The following LRP1B variants were observed in gnomAD, a reference collection of about 807,000 sequenced individuals.
LRP1B encodes the protein LDL receptor related protein 1B.
Under a neutral mutation model 556.6 loss-of-function variants are expected in LRP1B, and 217 were observed. The observed-to-expected ratio is 0.39, with a 90% CI of 0.35 to 0.44. The LOEUF is 0.44. LRP1B is among the 20% of genes least tolerant of loss of function. The probability of loss-of-function intolerance (pLI) is 1.00; values close to 1 mark genes in which losing one functional copy is unlikely to be tolerated. For synonymous variants in LRP1B, 2,047 were observed against 1,865.8 expected, an observed-to-expected ratio of 1.10 and a Z score of -2.50; for missense variants, 5,053 against 5,620.8, an observed-to-expected ratio of 0.90 and a Z score of 3.23.
chr2:140,745,870 A>C (rs1336790030), intron 35 of LRP1B, among the ~76,000 whole-genome samples: 2 of 152,212 alleles, frequency 1.3e-5, no homozygotes, highest in Non-Finnish European at 2.9e-5. Context: ...CCAAAGAATG[A>C]AGTAATTCAA....
At chr2:140,785,853 C>T (rs568889798) in intron 32 of LRP1B, among the ~76,000 whole-genome samples, 4 of 152,202 alleles carry the variant, frequency 2.6e-5, no homozygotes, top group African/African-American at 7.2e-5. Flanking sequence ...TCATCAGAGG[C>T]GAGGCCAGAC....
At chr2:141,711,796 T>G (rs1692369586) in intron 2 of LRP1B, among the ~76,000 whole-genome samples, 1 of 152,130 alleles carries the variant, frequency 6.6e-6, no homozygotes, top group Non-Finnish European at 1.5e-5. Context: ...CAGTTCAACT[T>G]TCCTCCAGTT....
intron 2 of LRP1B, among the ~76,000 whole-genome samples, chr2:141,506,468 C>T (rs928582118): frequency 2.6e-5 from 4 of 152,154 alleles, no homozygotes; most frequent in Admixed American, 1.3e-4. Flanking sequence ...GTGGCTTATA[C>T]GTGCACTAGT....
chr2:142,070,201 A>C (rs1705259112), intron 1 of LRP1B, among the ~76,000 whole-genome samples: 1 of 151,742 alleles, frequency 6.6e-6, no homozygotes, highest in Non-Finnish European at 1.5e-5. Context: ...ATAAAGGGCA[A>C]AATTGATTTT....
At chr2:140,291,466 C>G (rs528775977) in intron 84 of LRP1B, among the ~76,000 whole-genome samples, 1 of 151,390 alleles carries the variant, frequency 6.6e-6, no homozygotes, top group Non-Finnish European at 1.5e-5. Flanking sequence ...CTCACTCCCC[C>G]CACCCCACAA....
intron 66 of LRP1B, among the ~76,000 whole-genome samples, chr2:140,428,085 C>A (rs547928735): frequency 1.6e-4 from 24 of 152,116 alleles, no homozygotes; most frequent in Non-Finnish European, 3.5e-4. Context: ...TGGCAGCAAC[C>A]CTGAGATGCT....
chr2:140,936,992 T>A (rs911867354), intron 20 of LRP1B, among the ~76,000 whole-genome samples: 2 of 151,920 alleles, frequency 1.3e-5, no homozygotes, highest in Non-Finnish European at 2.9e-5. Context: ...AGAAGCAGAG[T>A]TTTTGTAAGT....
chr2:141,269,088 G>A lies in LRP1B; in HGVS notation c.344-14447C>T, dbSNP rs550446802. Reference sequence around the variant, plus strand: ...CAGATGTTTTGCTGAGGGAAATGCAGGGCTTAACAAACAGAGCTAGGTAGC... The same window carrying A: ...CAGATGTTTTGCTGAGGGAAATGCAAGGCTTAACAAACAGAGCTAGGTAGC... On this transcript the variant is annotated intron_variant, in intron 3 of 90. Coordinates refer to ENST00000389484, the MANE Select transcript of LRP1B (RefSeq NM_018557.3). Among the ~76,000 whole-genome samples, 3 of 152,286 alleles carry A rather than the reference G, an allele frequency of 2.0e-5. No homozygotes were observed. In the South Asian group the frequency reaches 6.2e-4, roughly 32 times the overall value.
intron 1 of LRP1B, among the ~76,000 whole-genome samples, chr2:142,015,267 T>C (rs908151358): frequency 3.3e-5 from 5 of 152,138 alleles, no homozygotes; most frequent in African/African-American, 1.2e-4. Context: ...AAATAATCAA[T>C]GGAGAAAGGA....
intron 76 of LRP1B, among the ~76,000 whole-genome samples, chr2:140,352,460 C>G (rs946093055): frequency 6.6e-6 from 1 of 152,140 alleles, no homozygotes; most frequent in African/African-American, 2.4e-5. Flanking sequence ...AGGCATGAGC[C>G]ACTGCACCAG....
chr2:141,252,971 C>T (rs376746132), intron 4 of LRP1B, among the ~76,000 whole-genome samples: 23 of 152,106 alleles, frequency 1.5e-4, no homozygotes, highest in African/African-American at 5.1e-4. Flanking sequence ...TTTGTTTTTA[C>T]GTGCTTAATT....
chr2:141,421,859 C>A (rs1301893229), intron 3 of LRP1B, among the ~76,000 whole-genome samples: 2 of 152,152 alleles, frequency 1.3e-5, no homozygotes, highest in Non-Finnish European at 2.9e-5. Context: ...ACATTAAATA[C>A]CATTCTCTTC....
rs145819881 is a variant in LRP1B, at chr2:140,339,374, A to G, written c.11893-3536T>C. Among the ~76,000 whole-genome samples, 3 of 151,944 alleles carry G rather than the reference A, an allele frequency of 2.0e-5. No individual in the cohort carries two copies. The Admixed American group carries it at 2.0e-4, about 10-fold the overall frequency. On this transcript the variant is annotated intron_variant, in intron 77 of 90. Transcript: ENST00000389484. ...TGAAAATACTGCTGTCTGTTTTAAC[A>G]AATTTCTTACAGTTAGCAATATACT...
At chr2:141,981,760 G>C (rs565914835) in intron 1 of LRP1B, among the ~76,000 whole-genome samples, 1 of 152,064 alleles carries the variant, frequency 6.6e-6, no homozygotes, top group Non-Finnish European at 1.5e-5. Context: ...TTGCATTTAA[G>C]TGTGGCCATG....
intron 1 of LRP1B, among the ~76,000 whole-genome samples, chr2:142,003,528 C>T (rs1325591531): frequency 6.6e-6 from 1 of 152,154 alleles, no homozygotes; most frequent in Non-Finnish European, 1.5e-5. Context: ...CTCTGCACAA[C>T]CAGAAGCAAT....
intron 20 of LRP1B, among the ~76,000 whole-genome samples, chr2:140,927,803 T>C (rs1694932279): frequency 6.8e-6 from 1 of 147,960 alleles, no homozygotes; most frequent in Non-Finnish European, 1.5e-5. Flanking sequence ...GCCTCCCGGG[T>C]TCAAGTGATT....
chr2:140,899,613 C>T (rs1573858161), intron 23 of LRP1B, among the ~76,000 whole-genome samples: 1 of 152,122 alleles, frequency 6.6e-6, no homozygotes, highest in African/African-American at 2.4e-5. Flanking sequence ...TTATTTTGTT[C>T]CAGTCCGTCA....
intron 32 of LRP1B, among the ~76,000 whole-genome samples, chr2:140,778,318 G>C (rs1689570523): frequency 6.6e-6 from 1 of 152,060 alleles, no homozygotes; most frequent in Non-Finnish European, 1.5e-5. Context: ...AAAATGAATG[G>C]AATATAAAAA....
chr2:141,920,238 A>G (rs1700146570), intron 1 of LRP1B, among the ~76,000 whole-genome samples: 2 of 129,592 alleles, frequency 1.5e-5, no homozygotes, highest in South Asian at 2.8e-4. Context: ...ACACATTGCC[A>G]GGATGGTGAT....
Sources: gnomAD v4.1 joint callset for allele counts (sites outside exome capture counted in the v4.1 genomes callset) on GRCh38, gnomAD v4.1.1 for gene constraint, MANE v1.5 for transcripts, NCBI Gene and HGNC (gene_info 2026-07-23, HGNC 2026-07-21) for gene names.